Variants in FAM20C observed in about 807,000 individuals in gnomAD.
FAM20C encodes the protein FAM20C golgi associated secretory pathway kinase, also known as extracellular serine/threonine protein kinase FAM20C.
In FAM20C, 40 loss-of-function variants were observed where a neutral mutation model predicts 51.5. The ratio of observed to expected loss-of-function variants is 0.78; its 90% CI spans 0.60 to 1.01. The LOEUF is 1.01. FAM20C is among the 50% of genes least tolerant of loss of function. The probability of loss-of-function intolerance (pLI) is 0.00; values close to 1 mark genes in which losing one functional copy is unlikely to be tolerated. For missense variants in FAM20C, 861 were observed against 844.7 expected (o/e 1.02, Z -0.24); for synonymous variants, 406 against 380.6 (o/e 1.07, Z -0.78).
chr7:193,207 T>C lies in FAM20C; in HGVS notation c.8T>C (p.Met3Thr), dbSNP rs1019979660. ...GGGCCGGCCCGCGCGGCCATGAAGA[T>C]GATGCTGGTGCGCCGGTTCCGCGTG... MK[M>T]MLVRRFRVLI... Residue 3 changes from methionine (M) to threonine (T), a missense_variant, in exon 1 of 10, where the codon ATG becomes ACG. Transcript: ENST00000313766. 5 of 1,456,534 alleles carry C rather than the reference T, an allele frequency of 3.4e-6. No individual in the cohort carries two copies. The highest frequency in any genetic ancestry group is 4.6e-6 in the Non-Finnish European group (5 of 1,098,622). The allele number at this position is 1,456,534 out of a possible 1,614,324, so 90.2% of individuals were successfully genotyped here.
At chr7:254,023 C>T (rs947028081) in intron 5 of FAM20C, among the ~76,000 whole-genome samples, 9 of 151,956 alleles carry the variant, frequency 5.9e-5, no homozygotes, top group Non-Finnish European at 1.0e-4. Context: ...CTTGATCGTT[C>T]GTTCTTACAA....
At chr7:235,746 T>C (rs1583321959) in intron 3 of FAM20C, among the ~76,000 whole-genome samples, 1 of 152,026 alleles carries the variant, frequency 6.6e-6, no homozygotes, top group South Asian at 2.1e-4. Context: ...GCATGGAGGG[T>C]CAGTGGTGGA....
intron 9 of FAM20C, 25 bp from the exon 10 acceptor site, chr7:259,706 G>A: frequency 6.6e-7 from 1 of 1,523,336 alleles, no homozygotes; most frequent in Non-Finnish European, 8.8e-7. Context: ...TCCCGTGCCA[G>A]GCCTGATGCC....
chr7:193,909 C>A, intron 1 of FAM20C, 105 bp downstream of exon 1: 1 of 1,407,346 alleles, frequency 7.1e-7, no homozygotes, highest in South Asian at 1.5e-5. Context: ...TGGAAGAGGC[C>A]GGGCAGGGAG....
intron 3 of FAM20C, among the ~76,000 whole-genome samples, chr7:230,148 C>T (rs1349075518): frequency 6.6e-6 from 1 of 152,092 alleles, no homozygotes; most frequent in Non-Finnish European, 1.5e-5. Context: ...AGGACTTTCC[C>T]TGGGCCCAAA....
intron 3 of FAM20C, among the ~76,000 whole-genome samples, chr7:226,636 C>G (rs1311872540): frequency 6.6e-6 from 1 of 152,118 alleles, no homozygotes; most frequent in Admixed American, 6.5e-5. Context: ...CCGCTCCACC[C>G]CACTGCCCAC....
intron 3 of FAM20C, among the ~76,000 whole-genome samples, chr7:243,085 AGAGACCTGTGCCACCCGG>A (rs1788006652): frequency 4.5e-5 from 4 of 89,112 alleles, no homozygotes; most frequent in Non-Finnish European, 6.7e-5. Context: ...GTGCCACCCA[AGAGACCTGTGCCACCCGG>A]GAGACCTGTG....
At position 193,950 on chromosome 7, in the gene FAM20C, C is replaced by T. The variant is rs1785723231; in HGVS notation, c.605+146C>T. 3 of 1,229,956 alleles carry T rather than the reference C, an allele frequency of 2.4e-6. No individual in the cohort carries two copies. The East Asian group carries it at 8.7e-5, about 36-fold the overall frequency. The allele number at this position is 1,229,956 out of a possible 1,614,324, so 76.2% of individuals were successfully genotyped here. ...TGCGGGAGGAGGCAGCCGCCTACCT[C>T]AGGGCGCTGCCTTTGTCTCCAGAAT... On this transcript the variant is annotated intron_variant, in intron 1 of 9. Coordinates refer to ENST00000313766, the MANE Select transcript of FAM20C (RefSeq NM_020223.4).
At position 193,687 on chromosome 7, in the gene FAM20C, G is replaced by T. The variant is rs745916292; in HGVS notation, c.488G>T (p.Arg163Met). 315 of 1,544,378 alleles carry T rather than the reference G, an allele frequency of 2.0e-4. 2 individuals are homozygous for T. The highest frequency in any genetic ancestry group is 3.5e-6 in the Non-Finnish European group (4 of 1,144,578). ...GGCGGAGACGCCTCCCTCCTGGCCA[G>T]GCTGTTCGAGCACCCGCTTTACCGG... is the stretch of plus-strand genomic sequence containing the variant. ...GPGGDASLLA[R>M]LFEHPLYRVA... The change falls in exon 1 of 10, where the codon AGG (arginine) becomes ATG (methionine). Residue 163 changes from arginine (R) to methionine (M), a missense_variant. By Grantham distance (91) the Arg-to-Met change is moderately conservative (BLOSUM62 -1). This residue lies in a region of FAM20C where 561 missense variants were observed against 499.8 expected (regional missense o/e 1.12). Transcript: ENST00000313766.
intron 3 of FAM20C, among the ~76,000 whole-genome samples, chr7:226,628 G>A (rs968639191): frequency 1.1e-4 from 16 of 152,120 alleles, no homozygotes; most frequent in South Asian, 4.1e-4. Context: ...ACAGGCGGCC[G>A]CTCCACCCCA....
At chr7:253,528 T>C (rs1284363105) in intron 5 of FAM20C, among the ~76,000 whole-genome samples, 1 of 140,424 alleles carries the variant, frequency 7.1e-6, no homozygotes, top group African/African-American at 2.6e-5. Context: ...GGAAAAGGAC[T>C]CACGCTCCTT....
chr7:206,685 C>A (rs1786414616), intron 2 of FAM20C, among the ~76,000 whole-genome samples: 2 of 148,170 alleles, frequency 1.3e-5, no homozygotes, highest in Non-Finnish European at 3.0e-5. Context: ...CGGCCCCGCA[C>A]ACGTGCTCAC....
At chr7:241,823 G>T (rs1282189429) in intron 3 of FAM20C, among the ~76,000 whole-genome samples, 3 of 152,006 alleles carry the variant, frequency 2.0e-5, no homozygotes, top group Admixed American at 6.6e-5. Flanking sequence ...ATCTGTGTGT[G>T]TGCCCGTGTG....
intron 8 of FAM20C, among the ~76,000 whole-genome samples, chr7:258,053 A>G (rs878874315): frequency 1.5e-4 from 9 of 60,550 alleles, no homozygotes; most frequent in African/African-American, 3.5e-4. Context: ...GGAGATAGGC[A>G]GTGTGGACCC....
At chr7:257,571 G>C (rs905719204) in intron 8 of FAM20C, 2 of 177,252 alleles carry the variant, frequency 1.1e-5, no homozygotes, top group South Asian at 1.3e-4. Flanking sequence ...GCAGGAGGAC[G>C]TCCATTCCCA....
At chr7:206,687 C>A (rs111818300) in intron 2 of FAM20C, among the ~76,000 whole-genome samples, 27 of 142,458 alleles carry the variant, frequency 1.9e-4, no homozygotes, top group African/African-American at 5.8e-4. Context: ...GCCCCGCACA[C>A]GTGCTCACTG....
chr7:229,660 C>T (rs62430333), intron 3 of FAM20C: 18,271 of 152,282 alleles, frequency 0.12, 1,317 homozygotes, highest in African/African-American at 0.21. Flanking sequence ...GGGCAGGAAG[C>T]GTGGACCGCG....
intron 3 of FAM20C, among the ~76,000 whole-genome samples, chr7:222,014 CA>C: frequency 9.7e-6 from 1 of 102,802 alleles, no homozygotes; most frequent in South Asian, 4.7e-4. Context: ...CAGGGGGCTG[CA>C]GGAGCCGTTC....
At chr7:241,352 G>A (rs1487062100) in intron 3 of FAM20C, among the ~76,000 whole-genome samples, 2 of 152,224 alleles carry the variant, frequency 1.3e-5, no homozygotes, top group Non-Finnish European at 2.9e-5. Flanking sequence ...ATTTGTGCAG[G>A]TGACTCAAGT....
Sources: allele counts gnomAD v4.1 joint callset (sites outside exome capture counted in the v4.1 genomes callset), GRCh38; gene constraint gnomAD v4.1.1; regional missense constraint gnomAD v4.1.1; transcripts MANE v1.5; gene names NCBI Gene and HGNC (gene_info 2026-07-23, HGNC 2026-07-21).